TNFSF12: variants seen among roughly 807,000 people sequenced by gnomAD.
The protein encoded by TNFSF12 is tumor necrosis factor ligand superfamily member 12.
In TNFSF12, 16 loss-of-function variants were observed where a neutral mutation model predicts 31.2. That is an observed-to-expected ratio of 0.51 (90% CI 0.35 to 0.78). The LOEUF (loss-of-function observed/expected upper bound fraction) is 0.78, where lower values mean the gene tolerates loss of function less well. TNFSF12 is among the 30% of genes least tolerant of loss of function. The pLI is 0.01. For missense variants in TNFSF12, 324 were observed against 338.8 expected (o/e 0.96, Z 0.34); for synonymous variants, 150 against 151.4 (o/e 0.99, Z 0.07).
intron 5 of TNFSF12, chr17:7,553,779 C>T: frequency 8.3e-7 from 1 of 1,198,010 alleles, no homozygotes; most frequent in Non-Finnish European, 1.1e-6. Context: ...GAAGAGAGGA[C>T]ACATCTCCCA....
Position 7,549,773 on chromosome 17 carries a change from G to C in TNFSF12, c.207+252G>C. 1.6e-6 allele frequency: 1 copy of C among 630,888 alleles called. No homozygotes were observed. Among genetic ancestry groups the C allele is most frequent in the South Asian group, 2.3e-5 (1 of 44,044 alleles). The allele number at this position is 630,888 out of a possible 1,614,324, so 39.1% of individuals were successfully genotyped here. On this transcript the variant is annotated intron_variant, in intron 2 of 6. Transcript: ENST00000293825. This position sits in a 1 kb window ranked among gnomAD's most constrained non-coding sequence, Gnocchi z 4.1. Reference sequence around the variant, plus strand: ...GGCTGGGGGTGACGTGGTTGTATAAGATATGTGAGTCTGCGTGGAAGAGGG... The same window carrying C: ...GGCTGGGGGTGACGTGGTTGTATAACATATGTGAGTCTGCGTGGAAGAGGG...
At chr17:7,556,527 C>T (rs920790971) in intron 5 of TNFSF12, among the ~76,000 whole-genome samples, 2 of 152,212 alleles carry the variant, frequency 1.3e-5, no homozygotes, top group East Asian at 1.9e-4. Flanking sequence ...TTCAGTTCTA[C>T]TCTTCTCCCC....
Position 7,555,973 on chromosome 17 carries a change from G to GTTT in TNFSF12, c.374-799_374-797dup, listed in dbSNP as rs59248137. 7.2e-4 allele frequency among the ~76,000 whole-genome samples: 51 copies of GTTT among 70,866 alleles called. 3 individuals are homozygous for GTTT. The highest frequency in any genetic ancestry group is 1.1e-3 in the African/African-American group (19 of 17,536). 46.5% of individuals were successfully genotyped at this position (70,866 alleles called of 152,430 possible). A position where few individuals can be genotyped will look rare whatever the true frequency, so the allele number is the denominator to read the frequency against. On this transcript the variant is annotated intron_variant, in intron 5 of 6. Coordinates refer to ENST00000293825, the MANE Select transcript of TNFSF12 (RefSeq NM_003809.3). ...GTGGAAATAAAAATGCCCAGTGAGC[G>GTTT]TTTTTTTTGTTTTTTTTTTTTTTTG...
intron 5 of TNFSF12, among the ~76,000 whole-genome samples, chr17:7,554,640 A>T (rs1486460444): frequency 7.7e-6 from 1 of 130,536 alleles, no homozygotes; most frequent in Non-Finnish European, 1.6e-5. Flanking sequence ...TTTTTTTGAG[A>T]TGGAGTTTTG....
intron 5 of TNFSF12, among the ~76,000 whole-genome samples, chr17:7,554,451 C>T (rs1169009143): frequency 2.0e-5 from 3 of 151,154 alleles, no homozygotes; most frequent in Non-Finnish European, 4.4e-5. Context: ...GTAGCTGGGA[C>T]TACAGGCGCC....
At chr17:7,556,665 T>C in intron 5 of TNFSF12, 113 bp from the exon 6 acceptor site, 2 of 1,344,808 alleles carry the variant, frequency 1.5e-6, no homozygotes, top group Non-Finnish European at 1.9e-6. Flanking sequence ...GGGTGATCTA[T>C]GTGTCTTCTG....
chr17:7,557,057 G>C lies in TNFSF12; in HGVS notation c.499-42G>C, dbSNP rs539118654. ...TGAGGAAATTGGAAATTGAGGCGAG[G>C]GCAGGCAGAGGCCTGGACTCGGCCT... On this transcript the variant is annotated intron_variant, in intron 6 of 6. Transcript: ENST00000293825. The surrounding 1 kb of genome is among the most constrained non-coding windows in gnomAD (Gnocchi z 5.2). 146 of 1,576,640 alleles carry C rather than the reference G, an allele frequency of 9.3e-5. No homozygotes were observed. The East Asian group carries it at 1.0e-3, about 11-fold the overall frequency.
Position 7,557,083 on chromosome 17 carries a change from G to T in TNFSF12, c.499-16G>T. On this transcript the variant is annotated splice_polypyrimidine_tract_variant and intron_variant, in intron 6 of 6. Transcript: ENST00000293825. This position sits in a 1 kb window ranked among gnomAD's most constrained non-coding sequence, Gnocchi z 5.2. The stretch of plus-strand genomic sequence containing the variant: ...GCAGGCAGAGGCCTGGACTCGGCCT[G>T]TTGTCCCCACCCCAGGTGCACTTTG... The T allele has an allele frequency of 6.2e-7, 1 of 1,602,936 alleles. No individual in the cohort carries two copies. Among genetic ancestry groups the T allele is most frequent in the African/African-American group, 1.3e-5 (1 of 74,872 alleles).
At position 7,555,980 on chromosome 17, in the gene TNFSF12, TTG is replaced by T. The variant is rs1491014563; in HGVS notation, c.374-796_374-795del. Among the ~76,000 whole-genome samples, 18 of 31,370 alleles carry T rather than the reference TTG, an allele frequency of 5.7e-4. 1 individual carries two copies. In the East Asian group the frequency reaches 8.1e-3, roughly 14 times the overall value. The allele number at this position is 31,370 out of a possible 152,430, so 20.6% of individuals were successfully genotyped here. ...TAAAAATGCCCAGTGAGCGTTTTTT[TTG>T]TTTTTTTTTTTTTTTGGAGACAGAG... is the stretch of plus-strand genomic sequence containing the variant. On this transcript the variant is annotated intron_variant, in intron 5 of 6. Transcript: ENST00000293825.
At chr17:7,551,799 A>G (rs1284486068) in intron 5 of TNFSF12, among the ~76,000 whole-genome samples, 5 of 151,928 alleles carry the variant, frequency 3.3e-5, no homozygotes, top group Non-Finnish European at 7.4e-5. Flanking sequence ...TAGATTTTTT[A>G]TTTTTTTTAA....
rs779181453 is a variant in TNFSF12, at chr17:7,557,397, G to A, written c.*47G>A. 20 of 1,535,794 alleles carry A rather than the reference G, an allele frequency of 1.3e-5. No individual in the cohort carries two copies. In the East Asian group the frequency reaches 3.0e-4, roughly 23 times the overall value. ...TCGTCCCAGGCTGCCGGCTCCCCTC[G>A]ACAGCTCTCTGGGCACCCGGTCCCC... On this transcript the variant is annotated 3_prime_UTR_variant, in exon 7 of 7. Coordinates refer to ENST00000293825, the MANE Select transcript of TNFSF12 (RefSeq NM_003809.3). This position sits in a 1 kb window ranked among gnomAD's most constrained non-coding sequence, Gnocchi z 5.2.
intron 5 of TNFSF12, among the ~76,000 whole-genome samples, chr17:7,555,866 A>G (rs968306207): frequency 4.6e-5 from 7 of 151,416 alleles, no homozygotes; most frequent in African/African-American, 1.4e-4. Context: ...TGCTGTTCAG[A>G]TGGTGCAGTT....
At position 7,557,539 on chromosome 17, in the gene TNFSF12, C is replaced by G; in HGVS notation, c.*189C>G. 1 of 808,228 alleles carries G rather than the reference C, an allele frequency of 1.2e-6. No individual in the cohort carries two copies. The highest frequency in any genetic ancestry group is 1.9e-6 in the Non-Finnish European group (1 of 540,238). 50.1% of individuals were successfully genotyped at this position (808,228 alleles called of 1,614,324 possible). ...ATACAGTATTCCCACTCTTATCTTACAACTCCCCCACCGCCCACTCTCCAC... is the reference window on the plus strand; with the variant it reads ...ATACAGTATTCCCACTCTTATCTTAGAACTCCCCCACCGCCCACTCTCCAC... On this transcript the variant is annotated 3_prime_UTR_variant, in exon 7 of 7. Coordinates refer to ENST00000293825, the MANE Select transcript of TNFSF12 (RefSeq NM_003809.3). The surrounding 1 kb of genome is among the most constrained non-coding windows in gnomAD (Gnocchi z 5.2).
rs367552469 is a variant in TNFSF12 at position 7,550,061 on chromosome 17, G to A, written c.208-59G>A. On this transcript the variant is annotated intron_variant, in intron 2 of 6. Transcript: ENST00000293825. The surrounding 1 kb of genome is among the most constrained non-coding windows in gnomAD (Gnocchi z 4.4). ...GCTGGTGGCTCTCCTGACAGGCCCC[G>A]TATGTCTCACTTTATATCTCTGGGA... The A allele has an allele frequency of 1.2e-5, 20 of 1,613,004 alleles. No homozygotes were observed. The highest frequency in any genetic ancestry group is 2.7e-5 in the African/African-American group (2 of 74,968).
Position 7,557,547 on chromosome 17 carries a change from C to A in TNFSF12, c.*197C>A. 1 of 743,436 alleles carries A rather than the reference C, an allele frequency of 1.3e-6. No homozygotes were observed. The allele number at this position is 743,436 out of a possible 1,614,324, so 46.1% of individuals were successfully genotyped here. On this transcript the variant is annotated 3_prime_UTR_variant, in exon 7 of 7. Coordinates refer to ENST00000293825, the MANE Select transcript of TNFSF12 (RefSeq NM_003809.3). This position sits in a 1 kb window ranked among gnomAD's most constrained non-coding sequence, Gnocchi z 5.2. ...TTCCCACTCTTATCTTACAACTCCC[C>A]CACCGCCCACTCTCCACCTCACTAG...
Position 7,557,595 on chromosome 17 carries a change from A to G in TNFSF12, c.*245A>G, listed in dbSNP as rs565679283. The G allele has an allele frequency of 7.7e-4, 414 of 538,750 alleles. 10 individuals carry two copies. The South Asian group carries it at 0.011, about 14-fold the overall frequency. The allele number at this position is 538,750 out of a possible 1,614,324, so 33.4% of individuals were successfully genotyped here. ...TAGCTCCCCAATCCCTGACCCTTTG[A>G]GGCCCCCAGTGATCTCGACTCCCCC... On this transcript the variant is annotated 3_prime_UTR_variant, in exon 7 of 7. Coordinates refer to ENST00000293825, the MANE Select transcript of TNFSF12 (RefSeq NM_003809.3). The surrounding 1 kb of genome is among the most constrained non-coding windows in gnomAD (Gnocchi z 5.2).
intron 5 of TNFSF12, among the ~76,000 whole-genome samples, chr17:7,555,057 G>A (rs1347381683): frequency 2.0e-5 from 3 of 151,926 alleles, no homozygotes; most frequent in African/African-American, 7.2e-5. Flanking sequence ...TGAAGCATGA[G>A]AATCACTTGA....
At position 7,550,989 on chromosome 17, in the gene TNFSF12, A is replaced by C. The variant is rs767697746; in HGVS notation, c.373+11A>C. On this transcript the variant is annotated intron_variant, in intron 5 of 6. Coordinates refer to ENST00000293825, the MANE Select transcript of TNFSF12 (RefSeq NM_003809.3). The surrounding 1 kb of genome is among the most constrained non-coding windows in gnomAD (Gnocchi z 4.4). ...ACGGAGCGCAGGCAGGTGAGACCCC[A>C]TCCCCCGACACAGCACTGGCCTCCT... 3.7e-6 allele frequency: 6 copies of C among 1,613,230 alleles called. No individual in the cohort carries two copies. The South Asian group carries it at 6.6e-5, about 18-fold the overall frequency.
chr17:7,555,981 TG>T lies in TNFSF12; in HGVS notation c.374-796del, dbSNP rs1265129455. ...AAAAATGCCCAGTGAGCGTTTTTTT[TG>T]TTTTTTTTTTTTTTTGGAGACAGAG... On this transcript the variant is annotated intron_variant, in intron 5 of 6. Coordinates refer to ENST00000293825, the MANE Select transcript of TNFSF12 (RefSeq NM_003809.3). Among the ~76,000 whole-genome samples, 5 of 106,506 alleles carry T rather than the reference TG, an allele frequency of 4.7e-5. 1 individual carries two copies. Among genetic ancestry groups the T allele is most frequent in the Admixed American group, 1.0e-4 (1 of 9,916 alleles). The allele number at this position is 106,506 out of a possible 152,430, so 69.9% of individuals were successfully genotyped here.
Sources: allele counts gnomAD v4.1 joint callset (sites outside exome capture counted in the v4.1 genomes callset), GRCh38; gene constraint gnomAD v4.1.1; non-coding constraint Gnocchi (gnomAD v3.1); transcripts MANE v1.5; gene names NCBI Gene and HGNC (gene_info 2026-07-23, HGNC 2026-07-21).